GAS7: variants seen among roughly 807,000 people sequenced by gnomAD.
GAS7 encodes the protein growth arrest-specific protein 7.
A neutral mutation model predicts 71.1 loss-of-function variants in GAS7; 28 were observed. The observed-to-expected ratio is 0.39, with a 90% CI of 0.29 to 0.54. GAS7 has a LOEUF of 0.54. GAS7 is among the 20% of genes least tolerant of loss of function. The probability of loss-of-function intolerance (pLI) is 0.62; values close to 1 mark genes in which losing one functional copy is unlikely to be tolerated. For synonymous variants in GAS7, 258 were observed against 245.8 expected (o/e 1.05, Z -0.46); for missense variants, 436 against 627.8 (o/e 0.69, Z 3.27).
chr17:10,043,186 C>T (rs2072897930), intron 1 of GAS7, among the ~76,000 whole-genome samples: 1 of 152,154 alleles, frequency 6.6e-6, no homozygotes, highest in Non-Finnish European at 1.5e-5. Flanking sequence ...CAATCCCTCC[C>T]TCTCCTGTGC....
chr17:10,073,330 G>A (rs1171799132), intron 1 of GAS7, among the ~76,000 whole-genome samples: 2 of 152,190 alleles, frequency 1.3e-5, no homozygotes, highest in Non-Finnish European at 2.9e-5. Flanking sequence ...GGGATGCACA[G>A]TTTAAAGTCA....
At chr17:10,104,178 G>A (rs1173991064) in intron 1 of GAS7, among the ~76,000 whole-genome samples, 1 of 151,898 alleles carries the variant, frequency 6.6e-6, no homozygotes, top group Non-Finnish European at 1.5e-5. Flanking sequence ...CCACTCCACT[G>A]AGCCTACTCT....
At chr17:9,954,913 G>A (rs575986447) in intron 5 of GAS7, among the ~76,000 whole-genome samples, 1 of 152,250 alleles carries the variant, frequency 6.6e-6, no homozygotes, top group South Asian at 2.1e-4. Context: ...GGCAGCAGAG[G>A]GGCATGGTGA....
intron 1 of GAS7, among the ~76,000 whole-genome samples, chr17:10,048,029 C>T (rs188096073): frequency 6.1e-4 from 93 of 152,282 alleles, no homozygotes; most frequent in African/African-American, 2.0e-3. Context: ...AGGCCAGGCG[C>T]GGTGACTCAT....
chr17:9,942,361 T>G (rs1410485999), intron 7 of GAS7, among the ~76,000 whole-genome samples: 1 of 148,660 alleles, frequency 6.7e-6, no homozygotes, highest in African/African-American at 2.6e-5. Context: ...GGGTGATAGG[T>G]GGGTATGTGC....
Position 9,912,909 on chromosome 17 carries a change from A to G in GAS7, c.*4319T>C, listed in dbSNP as rs1129463. 0.61 allele frequency: 141,887 copies of G among 232,624 alleles called. 44,381 individuals are homozygous for G. Among genetic ancestry groups the G allele is most frequent in the African/African-American group, 0.78 (35,154 of 45,350 alleles). The allele number at this position is 232,624 out of a possible 1,614,324, so 14.4% of individuals were successfully genotyped here. On this transcript the variant is annotated 3_prime_UTR_variant, in exon 14 of 14. Transcript: ENST00000432992. ...AAGGAACAAACCACACGCACACATCATGAATGACTCAAAAGCATTAAGCTG... is the reference window on the plus strand; with the variant it reads ...AAGGAACAAACCACACGCACACATCGTGAATGACTCAAAAGCATTAAGCTG...
chr17:10,004,881 A>G (rs886368779), intron 2 of GAS7, among the ~76,000 whole-genome samples: 5 of 152,198 alleles, frequency 3.3e-5, no homozygotes, highest in African/African-American at 4.8e-5. Flanking sequence ...GTGGTGGCGC[A>G]TGCCTGTAAT....
intron 1 of GAS7, among the ~76,000 whole-genome samples, chr17:10,169,214 C>G (rs2074317151): frequency 1.3e-5 from 2 of 151,804 alleles, no homozygotes; most frequent in Middle Eastern, 3.4e-3. Context: ...TGCAGTGAGC[C>G]AAGATCATGT....
At chr17:10,075,134 A>T (rs1406301118) in intron 1 of GAS7, among the ~76,000 whole-genome samples, 1 of 151,804 alleles carries the variant, frequency 6.6e-6, no homozygotes, top group African/African-American at 2.4e-5. Context: ...GAGGTGGGCA[A>T]ATCACGAGGT....
chr17:10,052,413 C>T lies in GAS7; in HGVS notation c.184-32516G>A, dbSNP rs867216739. ...CATTAACTAGTGGGAGGGGTCCCAG[C>T]GGGGAGAAACAGGTCTAAGAGGGTG... On this transcript the variant is annotated intron_variant, in intron 1 of 13. Coordinates refer to ENST00000432992, the MANE Select transcript of GAS7 (RefSeq NM_201433.2). Among the ~76,000 whole-genome samples the T allele has an allele frequency of 5.3e-5, 8 of 152,008 alleles. No individual in the cohort carries two copies. The East Asian group carries it at 9.6e-4, about 18-fold the overall frequency.
chr17:10,023,120 G>T (rs1212880856), intron 1 of GAS7, among the ~76,000 whole-genome samples: 2 of 152,270 alleles, frequency 1.3e-5, no homozygotes, highest in Non-Finnish European at 2.9e-5. Context: ...GAAGGGCCAT[G>T]AGATGCTGAA....
intron 1 of GAS7, among the ~76,000 whole-genome samples, chr17:10,152,736 C>T: frequency 6.6e-6 from 1 of 152,186 alleles, no homozygotes; most frequent in East Asian, 1.9e-4. Context: ...GTGGCATGTG[C>T]AGGTGCCGCT....
At chr17:10,145,245 T>C (rs2074112920) in intron 1 of GAS7, among the ~76,000 whole-genome samples, 1 of 152,226 alleles carries the variant, frequency 6.6e-6, no homozygotes, top group Admixed American at 6.5e-5. Context: ...CTGCATTCAA[T>C]GCTCAAGTGC....
chr17:10,008,191 C>G (rs1031009378), intron 2 of GAS7, among the ~76,000 whole-genome samples: 1 of 134,800 alleles, frequency 7.4e-6, no homozygotes, highest in African/African-American at 3.6e-5. Context: ...CTGAACTGAG[C>G]ATGCATGCAC....
chr17:10,017,715 C>T (rs1255475218), intron 2 of GAS7, among the ~76,000 whole-genome samples: 1 of 152,216 alleles, frequency 6.6e-6, no homozygotes, highest in Non-Finnish European at 1.5e-5. Flanking sequence ...AACACAGCTA[C>T]ACTCATTTGT....
chr17:10,114,280 G>A (rs1265113293), intron 1 of GAS7, among the ~76,000 whole-genome samples: 2 of 152,102 alleles, frequency 1.3e-5, no homozygotes, highest in East Asian at 3.9e-4. Flanking sequence ...CCAGGTGAGT[G>A]GGCCCAGGTT....
chr17:10,194,282 C>T (rs902187554), intron 1 of GAS7, among the ~76,000 whole-genome samples: 1 of 152,214 alleles, frequency 6.6e-6, no homozygotes, highest in Admixed American at 6.5e-5. Flanking sequence ...AGAATTATTT[C>T]CCAAAAGCTC....
rs2067966428 is a variant in GAS7 at position 9,925,466 on chromosome 17, C to A, written c.1138+10G>T. 6.2e-7 allele frequency: 1 copy of A among 1,613,874 alleles called. No homozygotes were observed. Among genetic ancestry groups the A allele is most frequent in the South Asian group, 1.1e-5 (1 of 91,080 alleles). ...GCACTGACCAGGCCAGGCGGGTGCC[C>A]AGCACTTACCAGCCTGTGTGGACTT... On this transcript the variant is annotated intron_variant, in intron 11 of 13. Coordinates refer to ENST00000432992, the MANE Select transcript of GAS7 (RefSeq NM_201433.2).
chr17:10,098,043 C>CAAAAAAAAAA (rs34381280), intron 1 of GAS7, among the ~76,000 whole-genome samples: 1 of 136,822 alleles, frequency 7.3e-6, no homozygotes, highest in African/African-American at 2.7e-5. Context: ...GACTCCATCT[C>CAAAAAAAAAA]AAAAAAAAAA....
Sources: gnomAD v4.1 joint callset for allele counts (sites outside exome capture counted in the v4.1 genomes callset) on GRCh38, gnomAD v4.1.1 for gene constraint, MANE v1.5 for transcripts, NCBI Gene and HGNC (gene_info 2026-07-23, HGNC 2026-07-21) for gene names.